The following ATP2B1 variants were observed in gnomAD, a reference collection of about 807,000 sequenced individuals.
ATP2B1 encodes ATPase plasma membrane Ca2+ transporting 1, also known as plasma membrane calcium-transporting ATPase 1.
Under a neutral mutation model 124.2 loss-of-function variants are expected in ATP2B1, and 14 were observed. The ratio of observed to expected loss-of-function variants is 0.11; its 90% CI spans 0.07 to 0.18. ATP2B1 has a LOEUF of 0.18. Among genes scored for constraint, ATP2B1 ranks in the 10% least tolerant of loss-of-function variants. The pLI, the probability that ATP2B1 is intolerant of heterozygous loss-of-function variation, is 1.00. For missense variants in ATP2B1, 763 were observed against 1,466.1 expected (o/e 0.52, Z 7.83); for synonymous variants, 449 against 492.4 (o/e 0.91, Z 1.17).
At chr12:89,616,232 A>C (rs569854765) in intron 12 of ATP2B1, among the ~76,000 whole-genome samples, 1 of 152,318 alleles carries the variant, frequency 6.6e-6, no homozygotes, top group Non-Finnish European at 1.5e-5. Flanking sequence ...ACAAACTTAA[A>C]AAAGGTGAAA....
intron 19 of ATP2B1, among the ~76,000 whole-genome samples, chr12:89,599,596 T>C (rs1345865210): frequency 1.3e-5 from 2 of 152,210 alleles, no homozygotes; most frequent in Non-Finnish European, 2.9e-5. Flanking sequence ...CATGCTCTGA[T>C]ATATGTATTT....
chr12:89,630,662 AGTTT>A lies in ATP2B1; in HGVS notation c.788-21_788-18del. 1 of 1,437,924 alleles carries A rather than the reference AGTTT, an allele frequency of 7.0e-7. No individual in the cohort carries two copies. The highest frequency in any genetic ancestry group is 9.2e-7 in the Non-Finnish European group (1 of 1,090,348). 89.1% of individuals were successfully genotyped at this position (1,437,924 alleles called of 1,614,324 possible). A position where few individuals can be genotyped will look rare whatever the true frequency, so the allele number is the denominator to read the frequency against. ...CATGAGTACCTATAACCAAAAACATAGTTTGTTTTTAAAAATACTGATAGATCTC... is the reference window on the plus strand; with the variant it reads ...CATGAGTACCTATAACCAAAAACATAGTTTTTAAAAATACTGATAGATCTC... On this transcript the variant is annotated intron_variant, in intron 5 of 20. Transcript: ENST00000428670.
intron 6 of ATP2B1, among the ~76,000 whole-genome samples, chr12:89,630,147 A>G (rs1157898553): frequency 6.6e-6 from 1 of 152,246 alleles, no homozygotes; most frequent in Non-Finnish European, 1.5e-5. Flanking sequence ...ATTAAAAGAA[A>G]GCTCAGTGAA....
At chr12:89,627,628 T>C (rs1299713806) in intron 7 of ATP2B1, 50 bp downstream of exon 7, 2 of 1,584,602 alleles carry the variant, frequency 1.3e-6, no homozygotes, top group Non-Finnish European at 1.7e-6. Flanking sequence ...CAGTAGATTT[T>C]TGGATATAAT....
chr12:89,620,353 T>C, intron 10 of ATP2B1, 113 bp from the exon 11 acceptor site: 2 of 1,285,872 alleles, frequency 1.6e-6, no homozygotes, highest in Non-Finnish European at 2.1e-6. Context: ...AATTGTCTAA[T>C]ATCAACATTT....
intron 2 of ATP2B1, among the ~76,000 whole-genome samples, chr12:89,649,109 G>C (rs1428421351): frequency 6.6e-6 from 1 of 152,270 alleles, no homozygotes; most frequent in Non-Finnish European, 1.5e-5. Context: ...CACTAGGGCA[G>C]TGCCAAGGGG....
At chr12:89,675,791 C>A (rs550533969) in intron 1 of ATP2B1, among the ~76,000 whole-genome samples, 1 of 152,152 alleles carries the variant, frequency 6.6e-6, no homozygotes, top group African/African-American at 2.4e-5. Flanking sequence ...ATTTATAATT[C>A]CAGTGATAGG....
intron 1 of ATP2B1, among the ~76,000 whole-genome samples, chr12:89,697,648 T>C (rs1456744947): frequency 6.6e-6 from 1 of 151,300 alleles, no homozygotes; most frequent in African/African-American, 2.4e-5. Context: ...TAAAGTCTGT[T>C]TAGGAAAACA....
intron 2 of ATP2B1, among the ~76,000 whole-genome samples, chr12:89,651,746 G>C (rs745605495): frequency 2.0e-5 from 3 of 152,064 alleles, no homozygotes. Context: ...CTGAACTTTT[G>C]TAACAGGTAA....
At position 89,604,238 on chromosome 12, in the gene ATP2B1, T is replaced by C. The variant is rs773226186; in HGVS notation, c.2551A>G (p.Ser851Gly). 6.2e-7 allele frequency: 1 copy of C among 1,614,084 alleles called. No homozygotes were observed. Among genetic ancestry groups the C allele is most frequent in the Non-Finnish European group, 8.5e-7 (1 of 1,179,994 alleles). The change falls in exon 16 of 21, where the codon AGC becomes GGC. Residue 851 changes from serine (S) to glycine (G), a missense_variant. Around this residue, in one of 7 missense-constraint regions of ATP2B1, gnomAD observed 51 missense variants for 192.8 expected, o/e 0.26. Coordinates refer to ENST00000428670, the MANE Select transcript of ATP2B1 (RefSeq NM_001366521.1). ...AVMWGRNVYDSISKFLQFQLT... is the reference protein window; with the variant it reads ...AVMWGRNVYDGISKFLQFQLT... ...TGGAACTGAAGGAATTTTGAGATGC[T>C]GTCATAGACATTTCGTCCCCACATA...
In ATP2B1 at chr12:89,648,054, T is replaced by C. The variant is rs561847663; in HGVS notation, c.209-5699A>G. Among the ~76,000 whole-genome samples, 20 of 152,310 alleles carry C rather than the reference T, an allele frequency of 1.3e-4. No homozygotes were observed. The South Asian group carries it at 4.1e-3, about 32-fold the overall frequency. ...CATTAAATCTCTTTTCTTTATAAATTACCCAGTCTCAAGTATTTCTTTATA... is the reference window on the plus strand; with the variant it reads ...CATTAAATCTCTTTTCTTTATAAATCACCCAGTCTCAAGTATTTCTTTATA... On this transcript the variant is annotated intron_variant, in intron 2 of 20. Coordinates refer to ENST00000428670, the MANE Select transcript of ATP2B1 (RefSeq NM_001366521.1).
At position 89,620,240 on chromosome 12, in the gene ATP2B1, G is replaced by A; in HGVS notation, c.1588C>T (p.Pro530Ser). 6.2e-7 allele frequency: 1 copy of A among 1,612,900 alleles called. No individual in the cohort carries two copies. The highest frequency in any genetic ancestry group is 1.1e-5 in the South Asian group (1 of 91,052). Residue 530 changes from proline (P) to serine (S), a missense_variant and splice_region_variant, in exon 11 of 21, where the codon CCA (proline) becomes TCA (serine). Pro to Ser is a moderately conservative substitution (Grantham distance 74). Coordinates refer to ENST00000428670, the MANE Select transcript of ATP2B1 (RefSeq NM_001366521.1). ...VNCAYTSKIL[P>S]PEKEGGLPRH... ...GGTAATCCACCCTCTTTCTCTGGTG[G>A]CTATAAGAGAAAAACATTTAGTAGC...
chr12:89,633,511 C>G (rs1882225038), intron 5 of ATP2B1, among the ~76,000 whole-genome samples: 1 of 149,068 alleles, frequency 6.7e-6, no homozygotes, highest in Non-Finnish European at 1.5e-5. Context: ...AACGTTAAGT[C>G]TATATTAGAA....
At chr12:89,597,130 C>T (rs1455429470) in intron 20 of ATP2B1, among the ~76,000 whole-genome samples, 2 of 152,032 alleles carry the variant, frequency 1.3e-5, no homozygotes, top group Non-Finnish European at 2.9e-5. Flanking sequence ...ACATGGTAGG[C>T]CTTCCATAAA....
chr12:89,596,868 C>T lies in ATP2B1; in HGVS notation c.3351+2249G>A, dbSNP rs111254635. 2.4e-4 allele frequency among the ~76,000 whole-genome samples: 36 copies of T among 152,136 alleles called. 1 individual carries two copies. The highest frequency in any genetic ancestry group is 8.7e-4 in the African/African-American group (36 of 41,506). ...CCCTTAGTTTATTACTCTTTCAGTA[C>T]CAGACTATTATCAATCCCTTAGTTT... On this transcript the variant is annotated intron_variant, in intron 20 of 20. Coordinates refer to ENST00000428670, the MANE Select transcript of ATP2B1 (RefSeq NM_001366521.1).
chr12:89,658,637 G>GAGAGAGAGAGAT (rs1276108101), intron 1 of ATP2B1, among the ~76,000 whole-genome samples: 1 of 151,106 alleles, frequency 6.6e-6, no homozygotes, highest in Admixed American at 6.6e-5. Context: ...GAGAGAGAGA[G>GAGAGAGAGAGAT]AGAGAGAGAG....
intron 1 of ATP2B1, among the ~76,000 whole-genome samples, chr12:89,695,407 T>C (rs922463707): frequency 2.6e-5 from 4 of 152,260 alleles, no homozygotes; most frequent in Middle Eastern, 3.4e-3. Flanking sequence ...AGCAATCATA[T>C]AAATATTTTT....
At chr12:89,707,700 G>C (rs919346350) in intron 1 of ATP2B1, among the ~76,000 whole-genome samples, 1 of 152,088 alleles carries the variant, frequency 6.6e-6, no homozygotes, top group Non-Finnish European at 1.5e-5. Context: ...CAGCGCACAG[G>C]GTGCGAGCAC....
chr12:89,627,227 C>A (rs554836162), intron 7 of ATP2B1, among the ~76,000 whole-genome samples: 2 of 151,886 alleles, frequency 1.3e-5, no homozygotes. Flanking sequence ...TCCTGTGATG[C>A]GGAATAGTCA....
Sources: allele counts gnomAD v4.1 joint callset (sites outside exome capture counted in the v4.1 genomes callset), GRCh38; gene constraint gnomAD v4.1.1; regional missense constraint gnomAD v4.1.1; transcripts MANE v1.5; gene names NCBI Gene and HGNC (gene_info 2026-07-23, HGNC 2026-07-21).